Variants in MEF2D observed in about 807,000 individuals in gnomAD.
The protein encoded by MEF2D is myocyte-specific enhancer factor 2D.
Under a neutral mutation model 59.3 loss-of-function variants are expected in MEF2D, and 10 were observed. That is an observed-to-expected ratio of 0.17 (90% confidence interval 0.10 to 0.29). The LOEUF is 0.29. MEF2D is among the 10% of genes least tolerant of loss of function. The pLI, the probability that MEF2D is intolerant of heterozygous loss-of-function variation, is 1.00. For missense variants in MEF2D, 508 were observed against 699.4 expected (o/e 0.73, Z 3.09); for synonymous variants, 305 against 295.0 (o/e 1.03, Z -0.35).
At chr1:156,470,911 A>T (rs1671198981) in intron 9 of MEF2D, among the ~76,000 whole-genome samples, 1 of 152,186 alleles carries the variant, frequency 6.6e-6, no homozygotes, top group South Asian at 2.1e-4. Flanking sequence ...CAGAGCTAAG[A>T]CAGGACCCCA....
At chr1:156,480,792 C>A (rs1186610070) in intron 4 of MEF2D, 42 bp downstream of exon 4, 1 of 1,598,012 alleles carries the variant, frequency 6.3e-7, no homozygotes, top group Admixed American at 1.7e-5. Context: ...GGGGAAGGGG[C>A]CGGAAGGGGG....
At chr1:156,469,589 TAA>T (rs57183071) in intron 9 of MEF2D, among the ~76,000 whole-genome samples, 2 of 92,986 alleles carry the variant, frequency 2.2e-5, no homozygotes, top group Admixed American at 1.1e-4. Context: ...GTGTTGAACT[TAA>T]AAAAAAAAAA....
chr1:156,493,253 T>C (rs1256554429), intron 1 of MEF2D, among the ~76,000 whole-genome samples: 1 of 152,060 alleles, frequency 6.6e-6, no homozygotes, highest in Non-Finnish European at 1.5e-5. Context: ...GTGGAAAACA[T>C]GAAGGGTTCA....
intron 9 of MEF2D, among the ~76,000 whole-genome samples, chr1:156,471,045 G>A (rs959760988): frequency 2.6e-5 from 4 of 152,136 alleles, no homozygotes; most frequent in Non-Finnish European, 4.4e-5. Context: ...CGGGCCCTAG[G>A]ATCAACTATT....
At chr1:156,473,471 T>C (rs1365765365) in intron 9 of MEF2D, among the ~76,000 whole-genome samples, 2 of 152,154 alleles carry the variant, frequency 1.3e-5, no homozygotes, top group African/African-American at 2.4e-5. Context: ...GACATAACCA[T>C]TCACATGTGA....
chr1:156,467,472 TATA>T lies in MEF2D; in HGVS notation c.*170_*172del, dbSNP rs748414721. The T allele has an allele frequency of 1.1e-3, 347 of 315,502 alleles. No individual in the cohort carries two copies. The highest frequency in any genetic ancestry group is 4.2e-3 in the African/African-American group (188 of 45,152). 19.5% of individuals were successfully genotyped at this position (315,502 alleles called of 1,614,324 possible). A position where few individuals can be genotyped will look rare whatever the true frequency, so the allele number is the denominator to read the frequency against. On this transcript the variant is annotated 3_prime_UTR_variant, in exon 12 of 12. Transcript: ENST00000348159. The stretch of plus-strand genomic sequence containing the variant: ...AAGCGAGAATCCAAATTAAAAAAAA[TATA>T]ATAATAATAATAATAATATAATAAT...
chr1:156,486,267 G>C (rs1298768430), intron 1 of MEF2D, among the ~76,000 whole-genome samples: 1 of 152,122 alleles, frequency 6.6e-6, no homozygotes, highest in African/African-American at 2.4e-5. Context: ...CATTGCAAAG[G>C]CTCCAGCCCA....
intron 1 of MEF2D, among the ~76,000 whole-genome samples, chr1:156,496,283 C>T (rs1017430717): frequency 3.1e-4 from 47 of 152,132 alleles, no homozygotes; most frequent in African/African-American, 1.1e-3. Context: ...GCGGGGAGGG[C>T]AACAGAGACC....
intron 1 of MEF2D, among the ~76,000 whole-genome samples, chr1:156,500,140 T>C (rs1474469456): frequency 6.6e-6 from 1 of 152,020 alleles, no homozygotes; most frequent in Non-Finnish European, 1.5e-5. Flanking sequence ...CCTCGGAGGA[T>C]GGCGCCCCGT....
chr1:156,468,062 G>C lies in MEF2D; in HGVS notation c.1485C>G (p.Gly495=). The C allele has an allele frequency of 6.2e-7, 1 of 1,614,064 alleles. No individual in the cohort carries two copies. Among genetic ancestry groups the C allele is most frequent in the East Asian group, 2.2e-5 (1 of 44,872 alleles). Residue 495 remains glycine, a synonymous_variant, in exon 11 of 12, where the codon GGC becomes GGG. Transcript: ENST00000348159. This position sits in a 1 kb window ranked among gnomAD's most constrained non-coding sequence, Gnocchi z 4.3. The part of the protein sequence containing the change: ...DGRGDFGPTL[G]LLRPAPEPEA... ...CAGGCTCTGGGGCTGGGCGCAGCAG[G>C]CCCAGTGTGGGCCCGAAGTCCCCCC...
chr1:156,472,967 C>T (rs1419822623), intron 9 of MEF2D, among the ~76,000 whole-genome samples: 1 of 152,116 alleles, frequency 6.6e-6, no homozygotes, highest in Non-Finnish European at 1.5e-5. Context: ...GCCTCGGCCT[C>T]CCAAAGTGCT....
chr1:156,479,457 C>T (rs1671838420), intron 5 of MEF2D, 111 bp from the exon 6 acceptor site: 1 of 1,482,492 alleles, frequency 6.7e-7, no homozygotes, highest in African/African-American at 1.4e-5. Flanking sequence ...TACTCCCTTC[C>T]CTCAGGAGCC....
rs200084510 is a variant in MEF2D at position 156,479,385 on chromosome 1, C to T, written c.608-39G>A. On this transcript the variant is annotated intron_variant, in intron 5 of 11. Coordinates refer to ENST00000348159, the MANE Select transcript of MEF2D (RefSeq NM_005920.4). Reference sequence around the variant, plus strand: ...AGAACCAGGATGAGCTGACAACACTCCCGCTTCAAGAGTGAGTCTTGGGGA... The same window carrying T: ...AGAACCAGGATGAGCTGACAACACTTCCGCTTCAAGAGTGAGTCTTGGGGA... 128 of 1,601,052 alleles carry T rather than the reference C, an allele frequency of 8.0e-5. 2 individuals are homozygous for T. In the African/African-American group the frequency reaches 1.4e-3, roughly 18 times the overall value.
chr1:156,469,979 G>A (rs1231695424), intron 9 of MEF2D, among the ~76,000 whole-genome samples: 1 of 152,228 alleles, frequency 6.6e-6, no homozygotes, highest in Non-Finnish European at 1.5e-5. Context: ...TTGGCCTCAT[G>A]CCCAAGGGGC....
chr1:156,468,332 G>A lies in MEF2D; in HGVS notation c.1248-33C>T, dbSNP rs776074553. ...CAGGCAATGGAAATGGGGTACAAGG[G>A]ATAAAAACAGAGGGGGTGAGTGACA... On this transcript the variant is annotated intron_variant, in intron 10 of 11. Transcript: ENST00000348159. The surrounding 1 kb of genome is among the most constrained non-coding windows in gnomAD (Gnocchi z 4.3). 10 of 1,464,432 alleles carry A rather than the reference G, an allele frequency of 6.8e-6. No homozygotes were observed. The Admixed American group carries it at 2.0e-4, about 29-fold the overall frequency. The allele number at this position is 1,464,432 out of a possible 1,614,324, so 90.7% of individuals were successfully genotyped here.
chr1:156,496,192 T>C (rs926819178), intron 1 of MEF2D, among the ~76,000 whole-genome samples: 10 of 152,164 alleles, frequency 6.6e-5, no homozygotes, highest in African/African-American at 2.4e-4. Context: ...GGGGATCACC[T>C]AGGCCAAGGA....
chr1:156,486,473 C>A (rs1672366919), intron 1 of MEF2D, among the ~76,000 whole-genome samples: 2 of 152,210 alleles, frequency 1.3e-5, no homozygotes, highest in South Asian at 4.1e-4. Context: ...AATGCAGGAA[C>A]TGCTGAGCTC....
At chr1:156,482,167 C>T (rs149239083) in intron 3 of MEF2D, among the ~76,000 whole-genome samples, 2,009 of 152,308 alleles carry the variant, frequency 0.013, 27 homozygotes, top group Non-Finnish European at 0.02. Flanking sequence ...TCACACTGGA[C>T]GACAGCAGAC....
At chr1:156,482,923 G>C (rs1672114041) in intron 2 of MEF2D, among the ~76,000 whole-genome samples, 1 of 152,240 alleles carries the variant, frequency 6.6e-6, no homozygotes, top group Non-Finnish European at 1.5e-5. Context: ...GAGGTCAGTG[G>C]AGAAGAAGAG....
Sources: gnomAD v4.1 joint callset for allele counts (sites outside exome capture counted in the v4.1 genomes callset) on GRCh38, gnomAD v4.1.1 for gene constraint, Gnocchi (gnomAD v3.1) non-coding constraint, MANE v1.5 for transcripts, NCBI Gene and HGNC (gene_info 2026-07-23, HGNC 2026-07-21) for gene names.